KCNIP4: variants seen among roughly 807,000 people sequenced by gnomAD.
KCNIP4 encodes Kv channel-interacting protein 4.
In KCNIP4, 12 loss-of-function variants were observed where a neutral mutation model predicts 34.0. The observed-to-expected ratio is 0.35, with a 90% confidence interval of 0.23 to 0.57. The LOEUF (loss-of-function observed/expected upper bound fraction) is 0.57. KCNIP4 is among the 20% of genes least tolerant of loss of function. KCNIP4 has a pLI of 0.83. For missense variants in KCNIP4, 238 were observed against 311.7 expected (o/e 0.76, Z 1.78); for synonymous variants, 124 against 102.2 (o/e 1.21, Z -1.29).
chr4:21,106,601 G>A (rs28806790), intron 1 of KCNIP4, among the ~76,000 whole-genome samples: 66,869 of 150,728 alleles, frequency 0.44, 15,609 homozygotes, highest in African/African-American at 0.55. Context: ...ATTTCCTTCA[G>A]GTCTGCTCTG....
chr4:21,524,806 T>G (rs928599681), intron 1 of KCNIP4, among the ~76,000 whole-genome samples: 2 of 151,900 alleles, frequency 1.3e-5, no homozygotes, highest in African/African-American at 4.8e-5. Context: ...TTTTTTTTTA[T>G]TTTTTGCATC....
intron 1 of KCNIP4, among the ~76,000 whole-genome samples, chr4:21,323,048 G>A (rs1560289534): frequency 6.6e-6 from 1 of 151,568 alleles, no homozygotes; most frequent in Non-Finnish European, 1.5e-5. Context: ...ATGACTTCTG[G>A]TGATGAATTG....
chr4:21,493,780 A>G (rs1050448533), intron 1 of KCNIP4, among the ~76,000 whole-genome samples: 1 of 152,178 alleles, frequency 6.6e-6, no homozygotes, highest in Non-Finnish European at 1.5e-5. Context: ...ACTCCCTACC[A>G]TAATAAGAAA....
intron 1 of KCNIP4, among the ~76,000 whole-genome samples, chr4:21,169,492 A>G (rs1260763087): frequency 6.6e-6 from 1 of 152,116 alleles, no homozygotes; most frequent in Non-Finnish European, 1.5e-5. Flanking sequence ...TAAGCACTTA[A>G]TAGTGTTATC....
At chr4:20,820,431 G>A (rs998793800) in intron 3 of KCNIP4, among the ~76,000 whole-genome samples, 10 of 152,294 alleles carry the variant, frequency 6.6e-5, no homozygotes, top group Middle Eastern at 6.8e-3. Flanking sequence ...TCTTGACTGC[G>A]TATAGAAAAC....
intron 1 of KCNIP4, among the ~76,000 whole-genome samples, chr4:21,407,098 A>G (rs1401869303): frequency 6.6e-6 from 1 of 152,122 alleles, no homozygotes; most frequent in Non-Finnish European, 1.5e-5. Context: ...ATATGGAGTG[A>G]CAAGGATCTC....
At position 21,197,783 on chromosome 4, in the gene KCNIP4, T is replaced by G. The variant is rs189768385; in HGVS notation, c.62-315074A>C. On this transcript the variant is annotated intron_variant, in intron 1 of 8. Transcript: ENST00000382152. ...TTAGAAACAATAAGAAAAATACTCA[T>G]AATAAATAATCTATGTTTTTCTGAG... Among the ~76,000 whole-genome samples the G allele has an allele frequency of 3.2e-3, 493 of 152,254 alleles. 3 individuals are homozygous for G. The highest frequency in any genetic ancestry group is 0.011 in the African/African-American group (473 of 41,546).
chr4:21,087,769 C>G lies in KCNIP4; in HGVS notation c.62-205060G>C, dbSNP rs1181626283. Among the ~76,000 whole-genome samples, 3 of 152,258 alleles carry G rather than the reference C, an allele frequency of 2.0e-5. No homozygotes were observed. In the South Asian group the frequency reaches 6.2e-4, roughly 32 times the overall value. The stretch of plus-strand genomic sequence containing the variant: ...ATCATACATATCTGTCAGCAGCACT[C>G]AACACCACTCAATCCTCCCTTCAAA... On this transcript the variant is annotated intron_variant, in intron 1 of 8. Coordinates refer to ENST00000382152, the MANE Select transcript of KCNIP4 (RefSeq NM_025221.6).
chr4:21,025,772 T>C (rs1328051728), intron 1 of KCNIP4, among the ~76,000 whole-genome samples: 1 of 151,944 alleles, frequency 6.6e-6, no homozygotes, highest in East Asian at 1.9e-4. Flanking sequence ...GCCAGGATGG[T>C]CTCGATCTCC....
At chr4:21,082,869 ATC>A (rs1746118488) in intron 1 of KCNIP4, among the ~76,000 whole-genome samples, 1 of 116,944 alleles carries the variant, frequency 8.6e-6, no homozygotes, top group Non-Finnish European at 1.9e-5. Flanking sequence ...AGGTTATTCT[ATC>A]TATCTATCTA....
At chr4:21,234,904 T>C (rs1406593454) in intron 1 of KCNIP4, among the ~76,000 whole-genome samples, 3 of 152,002 alleles carry the variant, frequency 2.0e-5, no homozygotes, top group Non-Finnish European at 4.4e-5. Flanking sequence ...CGCCTCGGCC[T>C]CCCAAAGTGT....
chr4:21,737,714 A>T (rs1001306032), intron 1 of KCNIP4, among the ~76,000 whole-genome samples: 2 of 152,106 alleles, frequency 1.3e-5, no homozygotes, highest in Non-Finnish European at 2.9e-5. Context: ...ATACAAGTGA[A>T]ATCCTTTTTA....
At chr4:21,623,366 A>G (rs1034989481) in intron 1 of KCNIP4, among the ~76,000 whole-genome samples, 5 of 152,186 alleles carry the variant, frequency 3.3e-5, no homozygotes, top group African/African-American at 4.8e-5. Flanking sequence ...ACCTATGAGG[A>G]CAGGAAAATG....
intron 1 of KCNIP4, among the ~76,000 whole-genome samples, chr4:20,899,684 G>T (rs947311156): frequency 2.0e-5 from 3 of 152,142 alleles, no homozygotes; most frequent in African/African-American, 4.8e-5. Context: ...CATTTGTCAA[G>T]AATTTCATAA....
At chr4:21,823,451 C>T (rs899963247) in intron 1 of KCNIP4, among the ~76,000 whole-genome samples, 1 of 151,128 alleles carries the variant, frequency 6.6e-6, no homozygotes, top group Non-Finnish European at 1.5e-5. Flanking sequence ...TACAAGCTTT[C>T]AACAGCTGCA....
At chr4:21,780,870 T>G (rs6448082) in intron 1 of KCNIP4, among the ~76,000 whole-genome samples, 97,463 of 151,954 alleles carry the variant, frequency 0.64, 32,382 homozygotes, top group Non-Finnish European at 0.73. Flanking sequence ...ATCCTTCCTT[T>G]CCTCTTCCAG....
At position 20,937,222 on chromosome 4, in the gene KCNIP4, C is replaced by CTTTTT. The variant is rs397992488; in HGVS notation, c.62-54518_62-54514dup. On this transcript the variant is annotated intron_variant, in intron 1 of 8. Transcript: ENST00000382152. The stretch of plus-strand genomic sequence containing the variant: ...TGAGCAAAAGGTGCCCCCAAGGAGT[C>CTTTTT]TTTTTTTTTTTTTTTTTTTTTTTTT... Among the ~76,000 whole-genome samples the CTTTTT allele has an allele frequency of 1.3e-4, 6 of 45,530 alleles. 1 individual carries two copies. The highest frequency in any genetic ancestry group is 2.6e-4 in the Non-Finnish European group (6 of 23,516). The allele number at this position is 45,530 out of a possible 152,430, so 29.9% of individuals were successfully genotyped here. A position where few individuals can be genotyped will look rare whatever the true frequency, so the allele number is the denominator to read the frequency against.
intron 3 of KCNIP4, 173 bp downstream of exon 3, chr4:20,850,370 C>T: frequency 1.6e-6 from 1 of 644,340 alleles, no homozygotes; most frequent in Non-Finnish European, 2.6e-6. Context: ...ATGGGTGTGC[C>T]ACAGAGAATC....
At chr4:21,179,948 C>G (rs763453437) in intron 1 of KCNIP4, among the ~76,000 whole-genome samples, 1 of 152,124 alleles carries the variant, frequency 6.6e-6, no homozygotes, top group South Asian at 2.1e-4. Context: ...GTTCATTGAG[C>G]CCCCATCATG....
Sources: gnomAD v4.1 joint callset for allele counts (sites outside exome capture counted in the v4.1 genomes callset) on GRCh38, gnomAD v4.1.1 for gene constraint, MANE v1.5 for transcripts, NCBI Gene and HGNC (gene_info 2026-07-23, HGNC 2026-07-21) for gene names.